The following ST14 variants were observed in gnomAD, a reference collection of about 807,000 sequenced individuals.
ST14 encodes suppressor of tumorigenicity 14 protein.
Under a neutral mutation model 96.5 loss-of-function variants are expected in ST14, and 40 were observed. The observed-to-expected ratio is 0.41, with a 90% CI of 0.32 to 0.54. The LOEUF (loss-of-function observed/expected upper bound fraction) is 0.54, where lower values mean the gene tolerates loss of function less well. Ranked by LOEUF, ST14 falls within the 20% of genes least tolerant of loss-of-function variation. ST14 has a pLI of 0.17. For missense variants in ST14, 1,066 were observed against 1,188.9 expected (o/e 0.90, Z 1.52); for synonymous variants, 506 against 492.1 (o/e 1.03, Z -0.37).
At position 130,189,798 on chromosome 11, in the gene ST14, A is replaced by G; in HGVS notation, c.500A>G (p.Glu167Gly). 6.2e-7 allele frequency: 1 copy of G among 1,613,860 alleles called. No individual in the cohort carries two copies. The highest frequency in any genetic ancestry group is 8.5e-7 in the Non-Finnish European group (1 of 1,179,936). ...TTCAGCATCCCGCAGCACCTGGTGG[A>G]GGAGGCCGAGCGCGTCATGGCCGAG... is the stretch of plus-strand genomic sequence containing the variant. ...SEFSIPQHLVEEAERVMAEER... is the reference protein window; with the variant it reads ...SEFSIPQHLVGEAERVMAEER... The change falls in exon 5 of 19, where the codon GAG becomes GGG. Residue 167 changes from glutamate (E) to glycine (G), a missense_variant. Physicochemically the swap from Glu to Gly is moderately conservative, Grantham distance 98 (BLOSUM62 -2). Transcript: ENST00000278742.
intron 16 of ST14, among the ~76,000 whole-genome samples, chr11:130,201,230 C>T (rs767911821): frequency 6.6e-6 from 1 of 152,214 alleles, no homozygotes; most frequent in African/African-American, 2.4e-5. Context: ...CCTCTCTGGG[C>T]GTCTGGCTGT....
In ST14 at chr11:130,208,402, C is replaced by T. The variant is rs767611669; in HGVS notation, c.1995-8C>T. The stretch of plus-strand genomic sequence containing the variant: ...ACCGCGCAGTCTCATAGCGGCTCTC[C>T]CTACCAGGTACTCAGACCCCACGCA... On this transcript the variant is annotated splice_polypyrimidine_tract_variant and splice_region_variant and intron_variant, in intron 16 of 18. Transcript: ENST00000278742. 6.2e-7 allele frequency: 1 copy of T among 1,614,010 alleles called. No individual in the cohort carries two copies. Among genetic ancestry groups the T allele is most frequent in the South Asian group, 1.1e-5 (1 of 91,092 alleles).
intron 15 of ST14, 24 bp downstream of exon 15, chr11:130,199,093 TTGTGCAGGTTGTTCA>T: frequency 6.2e-7 from 1 of 1,608,348 alleles, no homozygotes; most frequent in Non-Finnish European, 8.5e-7. Flanking sequence ...CCGAGTACGG[TTGTGCAGGTTGTTCA>T]CTGTGTGAAG....
In ST14 at chr11:130,208,636, G is replaced by T; in HGVS notation, c.2221G>T (p.Ala741Ser). Residue 741 changes from alanine to serine, a missense_variant, in exon 17 of 19, where the codon GCC becomes TCC. Transcript: ENST00000278742. ...GCCGGACGCCTCCCATGTCTTCCCTGCCGGCAAGGCCATCTGGGTCACGGG... is the reference window on the plus strand; with the variant it reads ...GCCGGACGCCTCCCATGTCTTCCCTTCCGGCAAGGCCATCTGGGTCACGGG... ...CLPDASHVFP[A>S]GKAIWVTGWG... 2 of 1,613,986 alleles carry T rather than the reference G, an allele frequency of 1.2e-6. No individual in the cohort carries two copies. The highest frequency in any genetic ancestry group is 1.7e-6 in the Non-Finnish European group (2 of 1,179,974).
intron 1 of ST14, among the ~76,000 whole-genome samples, chr11:130,160,587 A>C (rs948126255): frequency 6.6e-6 from 1 of 152,030 alleles, no homozygotes; most frequent in Non-Finnish European, 1.5e-5. Context: ...AGAACTCCAG[A>C]GTTGGGCTTG....
rs1392912571 is a variant in ST14, at chr11:130,187,803, C to A, written c.82-311C>A. Among the ~76,000 whole-genome samples, 1 of 152,218 alleles carries A rather than the reference C, an allele frequency of 6.6e-6. No homozygotes were observed. Among genetic ancestry groups the A allele is most frequent in the Non-Finnish European group, 1.5e-5 (1 of 68,042 alleles). Reference sequence around the variant, plus strand: ...GGGAGACCTGGATGACCGGGTTCGACAGCCCTTCATTGCGTTTTAATTTAA... The same window carrying A: ...GGGAGACCTGGATGACCGGGTTCGAAAGCCCTTCATTGCGTTTTAATTTAA... On this transcript the variant is annotated intron_variant, in intron 1 of 18. Coordinates refer to ENST00000278742, the MANE Select transcript of ST14 (RefSeq NM_021978.4). The surrounding 1 kb of genome is among the most constrained non-coding windows in gnomAD (Gnocchi z 4.5).
In ST14 at chr11:130,179,856, C is replaced by T. The variant is rs540130112; in HGVS notation, c.82-8258C>T. On this transcript the variant is annotated intron_variant, in intron 1 of 18. Transcript: ENST00000278742. ...AAATCTGGCCAGGATCCAGCACAAC[C>T]TTTAGCCAGTCCGGCAGGGAGCGGC... Among the ~76,000 whole-genome samples, 34 of 152,336 alleles carry T rather than the reference C, an allele frequency of 2.2e-4. 1 individual carries two copies. In the South Asian group the frequency reaches 4.1e-3, roughly 19 times the overall value.
chr11:130,163,345 G>T (rs957228216), intron 1 of ST14, among the ~76,000 whole-genome samples: 1 of 152,206 alleles, frequency 6.6e-6, no homozygotes, highest in African/African-American at 2.4e-5. Context: ...AAAAGAAAAT[G>T]TGTGCCAGCT....
At chr11:130,201,187 G>A (rs1250531084) in intron 16 of ST14, among the ~76,000 whole-genome samples, 1 of 152,270 alleles carries the variant, frequency 6.6e-6, no homozygotes, top group African/African-American at 2.4e-5. Context: ...GGGGCACAAT[G>A]CCGGGCTGCG....
chr11:130,170,063 G>T (rs1953076716), intron 1 of ST14, among the ~76,000 whole-genome samples: 1 of 152,170 alleles, frequency 6.6e-6, no homozygotes, highest in African/African-American at 2.4e-5. Flanking sequence ...GAATTTTCCG[G>T]CTAGAATTGG....
intron 1 of ST14, among the ~76,000 whole-genome samples, chr11:130,179,944 A>G (rs1048378091): frequency 6.6e-6 from 1 of 152,054 alleles, no homozygotes; most frequent in African/African-American, 2.4e-5. Context: ...CTGCCACAGA[A>G]TGCTTTCTTC....
rs533140977 is a variant in ST14, at chr11:130,198,402, C to T, written c.1554C>T (p.Ser518=). 2.4e-5 allele frequency: 38 copies of T among 1,613,966 alleles called. No individual in the cohort carries two copies. Among genetic ancestry groups the T allele is most frequent in the Admixed American group, 5.0e-5 (3 of 60,006 alleles). Residue 518 remains serine (S), a synonymous_variant, in exon 13 of 19, where the codon AGC becomes AGT. Transcript: ENST00000278742. ...GTGTGAACGACTGCGGAGACAACAG[C>T]GACGAGCAGGGGTGCAGTGAGTGCT... ...CDSVNDCGDN[S]DEQGCSCPAQ...
intron 1 of ST14, among the ~76,000 whole-genome samples, chr11:130,171,136 CTT>C (rs113673740): frequency 3.1e-4 from 47 of 152,254 alleles, no homozygotes; most frequent in African/African-American, 1.1e-3. Flanking sequence ...GCTCTTTTCT[CTT>C]GTTTTTTGTT....
intron 1 of ST14, among the ~76,000 whole-genome samples, chr11:130,183,052 G>T (rs1953208293): frequency 6.6e-6 from 1 of 152,024 alleles, no homozygotes; most frequent in Admixed American, 6.5e-5. Flanking sequence ...TGCCTCCTGG[G>T]TTCAAGCGAC....
chr11:130,188,001 G>A lies in ST14; in HGVS notation c.82-113G>A. On this transcript the variant is annotated intron_variant, in intron 1 of 18. Transcript: ENST00000278742. This position sits in a 1 kb window ranked among gnomAD's most constrained non-coding sequence, Gnocchi z 5.4. Reference sequence around the variant, plus strand: ...GGGAAGCCCCCTTCTTCTCACCCAAGCCCCTGCTTTCTTCTCCAAGCTGGA... The same window carrying A: ...GGGAAGCCCCCTTCTTCTCACCCAAACCCCTGCTTTCTTCTCCAAGCTGGA... 1 of 1,451,846 alleles carries A rather than the reference G, an allele frequency of 6.9e-7. No individual in the cohort carries two copies. Among genetic ancestry groups the A allele is most frequent in the Non-Finnish European group, 9.4e-7 (1 of 1,066,034 alleles). The allele number at this position is 1,451,846 out of a possible 1,614,324, so 89.9% of individuals were successfully genotyped here.
intron 16 of ST14, among the ~76,000 whole-genome samples, chr11:130,203,487 TC>T (rs1235949849): frequency 6.6e-5 from 10 of 152,248 alleles, no homozygotes; most frequent in Non-Finnish European, 2.9e-5. Flanking sequence ...CACCCCAATC[TC>T]TTGCTTCAGC....
In ST14 at chr11:130,181,653, C is replaced by T. The variant is rs897925449; in HGVS notation, c.82-6461C>T. 1.6e-4 allele frequency among the ~76,000 whole-genome samples: 24 copies of T among 152,276 alleles called. No homozygotes were observed. In the South Asian group the frequency reaches 4.4e-3, roughly 28 times the overall value. ...CCCTGAGACCTCCCCCTCCCACCTC[C>T]CCCACCCAGGAGTTAAAAGAGCTTT... On this transcript the variant is annotated intron_variant, in intron 1 of 18. Coordinates refer to ENST00000278742, the MANE Select transcript of ST14 (RefSeq NM_021978.4). This position sits in a 1 kb window ranked among gnomAD's most constrained non-coding sequence, Gnocchi z 4.1.
At chr11:130,206,162 A>G (rs188421777) in intron 16 of ST14, among the ~76,000 whole-genome samples, 8 of 152,216 alleles carry the variant, frequency 5.3e-5, no homozygotes, top group Admixed American at 4.6e-4. Flanking sequence ...CGGGCCAGTT[A>G]TCTTACAGGA....
intron 16 of ST14, among the ~76,000 whole-genome samples, chr11:130,202,542 G>A (rs1462775013): frequency 6.6e-6 from 1 of 152,234 alleles, no homozygotes; most frequent in Non-Finnish European, 1.5e-5. Context: ...AGGGTTGAAG[G>A]TGAGGGTGTC....
Sources: allele counts gnomAD v4.1 joint callset (sites outside exome capture counted in the v4.1 genomes callset), GRCh38; gene constraint gnomAD v4.1.1; non-coding constraint Gnocchi (gnomAD v3.1); transcripts MANE v1.5; gene names NCBI Gene and HGNC (gene_info 2026-07-23, HGNC 2026-07-21).